Variants in SLC28A3 observed in about 807,000 individuals in gnomAD.
SLC28A3 encodes concentrative Na(+)-nucleoside cotransporter 3.
SLC28A3 carries 68 observed loss-of-function variants against 84.2 expected under a neutral mutation model. That is an observed-to-expected ratio of 0.81 (90% confidence interval 0.66 to 0.99). The LOEUF (loss-of-function observed/expected upper bound fraction) is 0.99. SLC28A3 is among the 50% of genes least tolerant of loss of function. SLC28A3 has a pLI of 0.00. For synonymous variants in SLC28A3, 267 were observed against 303.6 expected (o/e 0.88, Z 1.25); for missense variants, 712 against 841.5 (o/e 0.85, Z 1.90).
At chr9:84,334,460 T>C (rs1184691136) in intron 1 of SLC28A3, among the ~76,000 whole-genome samples, 1 of 152,140 alleles carries the variant, frequency 6.6e-6, no homozygotes, top group African/African-American at 2.4e-5. Context: ...GGGTCAGTAG[T>C]CACCCCTGGT....
upstream of SLC28A3, among the ~76,000 whole-genome samples, chr9:84,341,216 C>T (rs1224722385): frequency 6.6e-6 from 1 of 152,102 alleles, no homozygotes; most frequent in Non-Finnish European, 1.5e-5. Context: ...AGTGATCCAC[C>T]TGCCTTGGCC....
At chr9:84,347,183 G>T in the SLC28A3 span, among the ~76,000 whole-genome samples, 1 of 129,756 alleles carries the variant, frequency 7.7e-6, no homozygotes, top group Non-Finnish European at 1.5e-5. Flanking sequence ...TCTAGCCTGG[G>T]CAACAGAGCA....
chr9:84,305,507 G>GACTA (rs1489734650), intron 3 of SLC28A3, among the ~76,000 whole-genome samples, 162 bp from the exon 4 acceptor site: 2 of 152,192 alleles, frequency 1.3e-5, no homozygotes, highest in Non-Finnish European at 2.9e-5. Flanking sequence ...TTTCATTTTA[G>GACTA]ACTAGAGTCA....
chr9:84,340,162 G>A (rs1009285940), intron 1 of SLC28A3, among the ~76,000 whole-genome samples: 11 of 152,126 alleles, frequency 7.2e-5, no homozygotes, highest in African/African-American at 1.7e-4. Context: ...GGCAGGTACC[G>A]GGGCCATCTG....
the SLC28A3 span, among the ~76,000 whole-genome samples, chr9:84,346,953 T>A: frequency 1.3e-5 from 2 of 152,104 alleles, no homozygotes; most frequent in African/African-American, 4.8e-5. Context: ...GGTGGGTGGA[T>A]TACTTGAGGT....
rs115194917 is a variant in SLC28A3 at position 84,308,222 on chromosome 9, G to A, written c.242+1407C>T. 2.5e-3 allele frequency among the ~76,000 whole-genome samples: 375 copies of A among 151,654 alleles called. 2 individuals carry two copies. The highest frequency in any genetic ancestry group is 8.7e-3 in the African/African-American group (362 of 41,412). ...TCTCATGACAGGGCCTTGCTCTGTT[G>A]CCCAGGCTGGACAGAATAGATTTAA... On this transcript the variant is annotated intron_variant, in intron 3 of 17. Coordinates refer to ENST00000376238, the MANE Select transcript of SLC28A3 (RefSeq NM_001199633.2).
chr9:84,332,323 A>G (rs1826819392), intron 1 of SLC28A3, among the ~76,000 whole-genome samples: 1 of 152,186 alleles, frequency 6.6e-6, no homozygotes, highest in Admixed American at 6.5e-5. Flanking sequence ...CATATCAAGA[A>G]ATCACTATAT....
At chr9:84,302,452 C>G (rs2118312731) in intron 4 of SLC28A3, 63 bp from the exon 5 acceptor site, 13 of 1,540,122 alleles carry the variant, frequency 8.4e-6, no homozygotes, top group Non-Finnish European at 1.1e-5. Context: ...CTCCAGGCTC[C>G]AGCCTTGTTC....
chr9:84,335,137 C>G (rs1826926493), intron 1 of SLC28A3, among the ~76,000 whole-genome samples: 1 of 152,224 alleles, frequency 6.6e-6, no homozygotes, highest in Non-Finnish European at 1.5e-5. Flanking sequence ...AAGCTTCCTA[C>G]TTCATCTACC....
intron 1 of SLC28A3, among the ~76,000 whole-genome samples, chr9:84,338,466 T>C (rs1031072447): frequency 3.9e-5 from 6 of 152,218 alleles, no homozygotes; most frequent in African/African-American, 1.2e-4. Context: ...AATGTAGAAA[T>C]TCAAATTTCA....
intron 1 of SLC28A3, among the ~76,000 whole-genome samples, chr9:84,330,453 G>T (rs915554582): frequency 6.6e-6 from 1 of 152,160 alleles, no homozygotes; most frequent in African/African-American, 2.4e-5. Flanking sequence ...ACATGCTTAC[G>T]TGGGTGATCC....
chr9:84,321,304 G>C (rs540743479), intron 1 of SLC28A3, among the ~76,000 whole-genome samples: 1 of 152,198 alleles, frequency 6.6e-6, no homozygotes, highest in South Asian at 2.1e-4. Context: ...TCTGTCTGAA[G>C]GCAGCAACTT....
intron 1 of SLC28A3, among the ~76,000 whole-genome samples, chr9:84,320,313 C>G (rs146706735): frequency 0.06 from 9,153 of 151,962 alleles, 297 homozygotes; most frequent in Middle Eastern, 0.082. Context: ...CCTTGGCCTC[C>G]CAAAGTGCTG....
intron 5 of SLC28A3, 52 bp downstream of exon 5, chr9:84,302,148 G>T: frequency 6.4e-7 from 1 of 1,557,990 alleles, no homozygotes; most frequent in Non-Finnish European, 8.7e-7. Flanking sequence ...AAACGGTGTT[G>T]GAAAGGACTA....
chr9:84,294,399 C>T, intron 8 of SLC28A3, 124 bp from the exon 9 acceptor site: 1 of 862,076 alleles, frequency 1.2e-6, no homozygotes, highest in Non-Finnish European at 1.8e-6. Flanking sequence ...GGAAACTCCT[C>T]TTGAACTTTA....
At chr9:84,281,506 G>A (rs1388607014) in intron 14 of SLC28A3, among the ~76,000 whole-genome samples, 1 of 152,202 alleles carries the variant, frequency 6.6e-6, no homozygotes, top group African/African-American at 2.4e-5. Context: ...AGGATGTGAA[G>A]TGACTAGAAG....
chr9:84,341,789 A>AT (rs763390061), upstream of SLC28A3, among the ~76,000 whole-genome samples: 5 of 151,420 alleles, frequency 3.3e-5, no homozygotes, highest in Admixed American at 1.3e-4. Context: ...TAAAATAGGG[A>AT]TTTTCCCCCC....
intron 13 of SLC28A3, 22 bp downstream of exon 13, chr9:84,285,921 C>T (rs1564146680): frequency 2.5e-6 from 4 of 1,601,764 alleles, no homozygotes; most frequent in Non-Finnish European, 3.4e-6. Flanking sequence ...AAACAGAGGG[C>T]AGGGGCGTGA....
At chr9:84,319,776 G>A (rs1396776355) in intron 1 of SLC28A3, among the ~76,000 whole-genome samples, 12 of 152,088 alleles carry the variant, frequency 7.9e-5, no homozygotes, top group African/African-American at 2.7e-4. Context: ...ATTTGGGAAG[G>A]AGACCAGAGA....
Sources: gnomAD v4.1 joint callset for allele counts (sites outside exome capture counted in the v4.1 genomes callset) on GRCh38, gnomAD v4.1.1 for gene constraint, MANE v1.5 for transcripts, NCBI Gene and HGNC (gene_info 2026-07-23, HGNC 2026-07-21) for gene names.